The following SCAPER variants were observed in gnomAD, a reference collection of about 807,000 sequenced individuals.
The protein encoded by SCAPER is S-phase cyclin A associated protein in the ER, also known as S phase cyclin A-associated protein in the endoplasmic reticulum.
A neutral mutation model predicts 182.2 loss-of-function variants in SCAPER; 98 were observed. That is an observed-to-expected ratio of 0.54 (90% CI 0.46 to 0.64). The LOEUF (loss-of-function observed/expected upper bound fraction) is 0.64, where lower values mean the gene tolerates loss of function less well. Among genes scored for constraint, SCAPER ranks in the 30% least tolerant of loss-of-function variants. The pLI is 0.00. For synonymous variants in SCAPER, 605 were observed against 564.6 expected (o/e 1.07, Z -1.01); for missense variants, 1,432 against 1,690.0 (o/e 0.85, Z 2.68).
chr15:76,591,303 A>C (rs751136462), intron 22 of SCAPER, among the ~76,000 whole-genome samples: 59 of 150,304 alleles, frequency 3.9e-4, no homozygotes, highest in Admixed American at 2.6e-4. Flanking sequence ...CTGCACGCCC[A>C]GGAGGACAGT....
chr15:76,350,550 C>A (rs1440262559), intron 31 of SCAPER: 1 of 152,142 alleles, frequency 6.6e-6, no homozygotes, highest in Non-Finnish European at 1.5e-5. Context: ...GGTTCTCATT[C>A]ATCAGAGATG....
At chr15:76,637,446 T>C (rs1275354851) in intron 21 of SCAPER, among the ~76,000 whole-genome samples, 1 of 152,010 alleles carries the variant, frequency 6.6e-6, no homozygotes, top group African/African-American at 2.4e-5. Context: ...GTGCAGTGGC[T>C]CACCACCTGT....
rs186999946 is a variant in SCAPER, at chr15:76,543,487, G to T, written c.2838+30671C>A. On this transcript the variant is annotated intron_variant, in intron 23 of 31. Coordinates refer to ENST00000563290, the MANE Select transcript of SCAPER (RefSeq NM_020843.4). ...TACACTCCGTGGTTTCAAACTGCTG[G>T]GCATAGCACTGTGGTTTGCACTGTG... Among the ~76,000 whole-genome samples, 13 of 152,222 alleles carry T rather than the reference G, an allele frequency of 8.5e-5. No homozygotes were observed. The East Asian group carries it at 2.5e-3, about 29-fold the overall frequency.
chr15:76,559,827 C>A (rs780117723), intron 23 of SCAPER, among the ~76,000 whole-genome samples: 5 of 152,034 alleles, frequency 3.3e-5, no homozygotes. Context: ...ACCTGTACAC[C>A]AAATCCCCAT....
At chr15:76,373,052 C>CT (rs1159801386) in intron 29 of SCAPER, among the ~76,000 whole-genome samples, 1,975 of 144,382 alleles carry the variant, frequency 0.014, 43 homozygotes, top group African/African-American at 0.04. Flanking sequence ...TTCTTTCTTT[C>CT]TTTTTTTTTT....
rs148355533 is a variant in SCAPER, at chr15:76,723,207, C to T, written c.2165+5388G>A. 7.1e-4 allele frequency among the ~76,000 whole-genome samples: 108 copies of T among 152,018 alleles called. 1 individual carries two copies. In the East Asian group the frequency reaches 0.021, roughly 29 times the overall value. On this transcript the variant is annotated intron_variant, in intron 17 of 31. Coordinates refer to ENST00000563290, the MANE Select transcript of SCAPER (RefSeq NM_020843.4). ...ATTTACCCAGTAGTCATTCAGGAGC[C>T]GGTTGTTCAGTTTCCATGAAGTTTA... is the stretch of plus-strand genomic sequence containing the variant.
chr15:76,866,274 T>A (rs982563489), intron 2 of SCAPER, among the ~76,000 whole-genome samples: 1 of 152,056 alleles, frequency 6.6e-6, no homozygotes, highest in African/African-American at 2.4e-5. Context: ...TGTGTGTGTA[T>A]ATCAGGTCAG....
chr15:76,657,719 A>G (rs1244188279), intron 21 of SCAPER, among the ~76,000 whole-genome samples: 2 of 152,158 alleles, frequency 1.3e-5, no homozygotes, highest in Non-Finnish European at 2.9e-5. Context: ...CTAACCCACT[A>G]TGATCAAATA....
chr15:76,853,835 A>G (rs962776567), intron 4 of SCAPER, among the ~76,000 whole-genome samples: 27 of 152,224 alleles, frequency 1.8e-4, no homozygotes, highest in African/African-American at 6.0e-4. Flanking sequence ...GGCAAGAGAA[A>G]AAAATAAAGG....
chr15:76,430,981 T>C (rs1298069122), intron 26 of SCAPER, among the ~76,000 whole-genome samples: 1 of 152,128 alleles, frequency 6.6e-6, no homozygotes, highest in Admixed American at 6.5e-5. Context: ...CTCGTGATAG[T>C]GAATAAGTCT....
intron 24 of SCAPER, among the ~76,000 whole-genome samples, chr15:76,497,053 C>T (rs1384354893): frequency 6.8e-6 from 1 of 147,716 alleles, no homozygotes; most frequent in East Asian, 2.0e-4. Context: ...GCTCTGTGGA[C>T]TAGACTGCTT....
intron 2 of SCAPER, among the ~76,000 whole-genome samples, chr15:76,882,675 TTTTA>T (rs1024778812): frequency 2.5e-4 from 38 of 152,102 alleles, no homozygotes; most frequent in African/African-American, 8.7e-4. Context: ...TCTTTTTTTC[TTTTA>T]TTTGAGACGG....
Position 76,841,916 on chromosome 15 carries a change from A to G in SCAPER, c.211T>C (p.Cys71Arg). The G allele has an allele frequency of 6.2e-7, 1 of 1,613,712 alleles. No homozygotes were observed. The highest frequency in any genetic ancestry group is 8.5e-7 in the Non-Finnish European group (1 of 1,179,760). Residue 71 changes from cysteine (C) to arginine (R), a missense_variant, in exon 5 of 32, where the codon TGT (cysteine) becomes CGT (arginine). This residue lies in a region of SCAPER where 480 missense variants were observed against 510.2 expected (regional missense o/e 0.94). Coordinates refer to ENST00000563290, the MANE Select transcript of SCAPER (RefSeq NM_020843.4). ...KTTKQSTAVDCKITSSTTGDK... is the reference protein window; with the variant it reads ...KTTKQSTAVDRKITSSTTGDK... Reference sequence around the variant, plus strand: ...CCAGTCGTAGACGATGTTATTTTACAGTCCACTGCAGTACTCTGGTGAAGT... The same window carrying G: ...CCAGTCGTAGACGATGTTATTTTACGGTCCACTGCAGTACTCTGGTGAAGT...
intron 23 of SCAPER, among the ~76,000 whole-genome samples, chr15:76,541,415 C>T (rs1333775669): frequency 3.9e-5 from 6 of 152,070 alleles, no homozygotes; most frequent in African/African-American, 1.4e-4. Context: ...TATGGATTTG[C>T]TTCTTCTACC....
At chr15:76,645,532 T>C (rs542030666) in intron 21 of SCAPER, among the ~76,000 whole-genome samples, 7 of 152,092 alleles carry the variant, frequency 4.6e-5, no homozygotes, top group African/African-American at 7.2e-5. Flanking sequence ...CAGCCTTTTT[T>C]TTTTTTGGTT....
chr15:76,534,302 A>G (rs933424604), intron 23 of SCAPER, among the ~76,000 whole-genome samples: 1 of 152,260 alleles, frequency 6.6e-6, no homozygotes. Context: ...TCTAAAATCA[A>G]GAAAACAAAG....
chr15:76,409,962 T>A (rs1023138780), intron 26 of SCAPER, among the ~76,000 whole-genome samples: 2 of 151,722 alleles, frequency 1.3e-5, no homozygotes, highest in African/African-American at 4.8e-5. Context: ...TAATTTTTTT[T>A]TTTTTTTTTT....
chr15:76,482,614 G>T (rs1472568465), intron 24 of SCAPER, among the ~76,000 whole-genome samples: 1 of 152,106 alleles, frequency 6.6e-6, no homozygotes, highest in Non-Finnish European at 1.5e-5. Flanking sequence ...CCAAAGATGT[G>T]ACAAAAAGCC....
intron 21 of SCAPER, among the ~76,000 whole-genome samples, chr15:76,662,984 T>A (rs1005098878): frequency 7.6e-4 from 116 of 152,012 alleles, no homozygotes; most frequent in African/African-American, 2.7e-3. Flanking sequence ...ATAAAAAAAA[T>A]TTGCTTATCA....
Sources: gnomAD v4.1 joint callset for allele counts (sites outside exome capture counted in the v4.1 genomes callset) on GRCh38, gnomAD v4.1.1 for gene constraint, gnomAD v4.1.1 regional missense constraint, MANE v1.5 for transcripts, NCBI Gene and HGNC (gene_info 2026-07-23, HGNC 2026-07-21) for gene names.